BMERB1: variants seen among roughly 807,000 people sequenced by gnomAD.
The protein encoded by BMERB1 is bMERB domain containing 1, also known as bMERB domain-containing protein 1.
In BMERB1, 12 loss-of-function variants were observed where a neutral mutation model predicts 23.6. The observed-to-expected ratio is 0.51, with a 90% CI of 0.33 to 0.82. The LOEUF is 0.82. Ranked by LOEUF, BMERB1 falls within the 40% of genes least tolerant of loss-of-function variation. The pLI, the probability that BMERB1 is intolerant of heterozygous loss-of-function variation, is 0.03. For synonymous variants in BMERB1, 122 were observed against 96.6 expected (o/e 1.26, Z -1.54); for missense variants, 247 against 255.4 (o/e 0.97, Z 0.22).
intron 2 of BMERB1, among the ~76,000 whole-genome samples, chr16:15,554,957 T>C (rs2030211713): frequency 6.6e-6 from 1 of 152,140 alleles, no homozygotes; most frequent in South Asian, 2.1e-4. Flanking sequence ...TGAGCCACCG[T>C]GCCCGGCCAG....
intron 1 of BMERB1, among the ~76,000 whole-genome samples, chr16:15,471,989 A>C (rs2051233009): frequency 6.6e-6 from 1 of 152,072 alleles, no homozygotes; most frequent in Admixed American, 6.5e-5. Context: ...CTATTCTTTA[A>C]GTTTTGTTTT....
chr16:15,505,879 C>T (rs886136489), intron 1 of BMERB1, among the ~76,000 whole-genome samples: 23 of 141,306 alleles, frequency 1.6e-4, no homozygotes, highest in African/African-American at 1.6e-4. Flanking sequence ...CAGAGCGAGA[C>T]GCCGTTTCAA....
intron 2 of BMERB1, among the ~76,000 whole-genome samples, chr16:15,540,466 C>T (rs1191095670): frequency 6.6e-6 from 1 of 151,944 alleles, no homozygotes; most frequent in Non-Finnish European, 1.5e-5. Context: ...GTGGAGGTTG[C>T]AGTGAGCTGA....
rs537436942 is a variant in BMERB1, at chr16:15,529,315, C to T, written c.230+13887C>T. Among the ~76,000 whole-genome samples, 155 of 152,224 alleles carry T rather than the reference C, an allele frequency of 1.0e-3. 1 individual carries two copies. The highest frequency in any genetic ancestry group is 2.0e-3 in the Non-Finnish European group (135 of 68,018). ...TGCTGGGATTACAGGCGTGAGCCAC[C>T]GCGCCCGGCGGTGTTTGTTGTTTAT... On this transcript the variant is annotated intron_variant, in intron 2 of 5. Coordinates refer to ENST00000300006, the MANE Select transcript of BMERB1 (RefSeq NM_033201.3).
At chr16:15,509,598 C>A (rs886963417) in intron 1 of BMERB1, among the ~76,000 whole-genome samples, 1 of 152,180 alleles carries the variant, frequency 6.6e-6, no homozygotes, top group African/African-American at 2.4e-5. Flanking sequence ...GGATTTCTGA[C>A]ACTGCCCCCG....
At chr16:15,522,734 C>T (rs373974714) in intron 2 of BMERB1, among the ~76,000 whole-genome samples, 2 of 152,056 alleles carry the variant, frequency 1.3e-5, no homozygotes, top group African/African-American at 2.4e-5. Context: ...CGGAGTGGCT[C>T]GCTTCTTCAG....
chr16:15,443,898 C>T (rs756716310), intron 1 of BMERB1, among the ~76,000 whole-genome samples: 8 of 151,538 alleles, frequency 5.3e-5, no homozygotes, highest in Non-Finnish European at 7.4e-5. Flanking sequence ...AACAACAGAG[C>T]GAGACTCTGT....
chr16:15,498,148 C>T (rs2051492535), intron 1 of BMERB1, among the ~76,000 whole-genome samples: 1 of 151,938 alleles, frequency 6.6e-6, no homozygotes, highest in African/African-American at 2.4e-5. Context: ...GATTTTGATT[C>T]AGTAGGTCCA....
chr16:15,461,184 G>A (rs1367133886), intron 1 of BMERB1, among the ~76,000 whole-genome samples: 1 of 151,826 alleles, frequency 6.6e-6, no homozygotes, highest in Non-Finnish European at 1.5e-5. Flanking sequence ...ACCCAGCCTG[G>A]GAACAGGGAG....
In BMERB1 at chr16:15,587,611, C is replaced by T. The variant is rs1382330313; in HGVS notation, c.*782C>T. ...AGGCCAGAGCAGTTGAGAATGGGAC[C>T]CAGAGTAGATGCTGACCTGGGCACT... On this transcript the variant is annotated 3_prime_UTR_variant, in exon 6 of 6. Transcript: ENST00000300006. 1 of 436,038 alleles carries T rather than the reference C, an allele frequency of 2.3e-6. No homozygotes were observed. The highest frequency in any genetic ancestry group is 7.5e-5 in the East Asian group (1 of 13,368). The allele number at this position is 436,038 out of a possible 1,614,324, so 27.0% of individuals were successfully genotyped here. A position where few individuals can be genotyped will look rare whatever the true frequency, so the allele number is the denominator to read the frequency against.
chr16:15,447,970 A>G (rs766296098), intron 1 of BMERB1: 34 of 452,610 alleles, frequency 7.5e-5, no homozygotes, highest in Non-Finnish European at 1.2e-4. Context: ...GCTCACTTCA[A>G]CCTCCACCTC....
intron 3 of BMERB1, among the ~76,000 whole-genome samples, chr16:15,575,477 A>G (rs1226058476): frequency 6.6e-6 from 1 of 152,112 alleles, no homozygotes; most frequent in East Asian, 1.9e-4. Flanking sequence ...CTTTATTTCC[A>G]TGCTTGGGGT....
chr16:15,444,137 T>G (rs1412757321), intron 1 of BMERB1, among the ~76,000 whole-genome samples: 1 of 131,314 alleles, frequency 7.6e-6, no homozygotes, highest in Non-Finnish European at 1.6e-5. Context: ...TTTTTTTTTT[T>G]TTTTTTTTTT....
intron 3 of BMERB1, 65 bp downstream of exon 3, chr16:15,568,121 G>A (rs1428070183): frequency 2.3e-5 from 32 of 1,383,040 alleles, no homozygotes; most frequent in Non-Finnish European, 3.1e-5. Context: ...TGGCCCATCT[G>A]TACGCCTGGG....
At chr16:15,443,907 G>A (rs2050963197) in intron 1 of BMERB1, among the ~76,000 whole-genome samples, 1 of 151,692 alleles carries the variant, frequency 6.6e-6, no homozygotes, top group Admixed American at 6.6e-5. Context: ...GCGAGACTCT[G>A]TCTCCAAAAA....
At chr16:15,502,721 C>G (rs1197333556) in intron 1 of BMERB1, among the ~76,000 whole-genome samples, 10 of 152,148 alleles carry the variant, frequency 6.6e-5, no homozygotes, top group Admixed American at 6.6e-4. Context: ...ATTCAAGACT[C>G]TCTTTTGGGT....
At chr16:15,576,933 CG>C (rs1243236924) in intron 3 of BMERB1, among the ~76,000 whole-genome samples, 3 of 152,112 alleles carry the variant, frequency 2.0e-5, no homozygotes, top group Non-Finnish European at 2.9e-5. Flanking sequence ...ATGGGAATTC[CG>C]GCCTGTGGCA....
intron 1 of BMERB1, among the ~76,000 whole-genome samples, chr16:15,492,526 A>G (rs1361990529): frequency 6.6e-6 from 1 of 152,230 alleles, no homozygotes; most frequent in African/African-American, 2.4e-5. Context: ...GAGAAACTTT[A>G]CAATGGAGAA....
Position 15,539,230 on chromosome 16 carries a change from C to G in BMERB1, c.230+23802C>G, listed in dbSNP as rs1044757353. On this transcript the variant is annotated intron_variant, in intron 2 of 5. Coordinates refer to ENST00000300006, the MANE Select transcript of BMERB1 (RefSeq NM_033201.3). The stretch of plus-strand genomic sequence containing the variant: ...TAGATTCCTATAAGGAGCGTGCAAC[C>G]TAGATCCCTCACATGCACAGTTCAC... Among the ~76,000 whole-genome samples the G allele has an allele frequency of 5.9e-5, 9 of 152,224 alleles. No homozygotes were observed. The East Asian group carries it at 1.7e-3, about 29-fold the overall frequency.
Sources: gnomAD v4.1 joint callset for allele counts (sites outside exome capture counted in the v4.1 genomes callset) on GRCh38, gnomAD v4.1.1 for gene constraint, MANE v1.5 for transcripts, NCBI Gene and HGNC (gene_info 2026-07-23, HGNC 2026-07-21) for gene names.